Variants in CCDC175 observed in about 807,000 individuals in gnomAD.
The protein encoded by CCDC175 is coiled-coil domain containing 175.
Under a neutral mutation model 114.6 loss-of-function variants are expected in CCDC175, and 100 were observed. The observed-to-expected ratio is 0.87, with a 90% CI of 0.74 to 1.03. CCDC175 has a LOEUF of 1.03. Ranked by LOEUF, CCDC175 falls within the 50% of genes least tolerant of loss-of-function variation. CCDC175 has a pLI of 0.00. For missense variants in CCDC175, 880 were observed against 917.8 expected (o/e 0.96, Z 0.53); for synonymous variants, 306 against 308.7 (o/e 0.99, Z 0.09).
chr14:59,529,436 C>T (rs1880603863), intron 14 of CCDC175, among the ~76,000 whole-genome samples: 1 of 152,184 alleles, frequency 6.6e-6, no homozygotes, highest in African/African-American at 2.4e-5. Flanking sequence ...GCTCTAATTG[C>T]TCTTTATAAA....
At chr14:59,513,553 G>A (rs975736605) in intron 17 of CCDC175, among the ~76,000 whole-genome samples, 32 of 152,162 alleles carry the variant, frequency 2.1e-4, no homozygotes, top group African/African-American at 7.7e-4. Context: ...CTATGCCCAC[G>A]GAGCCTCACT....
chr14:59,523,442 T>G (rs1893539089), intron 16 of CCDC175, among the ~76,000 whole-genome samples: 1 of 152,192 alleles, frequency 6.6e-6, no homozygotes, highest in East Asian at 1.9e-4. Flanking sequence ...GTCACTGATT[T>G]TTTTCTAGCT....
chr14:59,507,251 G>A (rs1892482459), intron 19 of CCDC175, among the ~76,000 whole-genome samples: 8 of 152,158 alleles, frequency 5.3e-5, no homozygotes. Flanking sequence ...CTTCTCCTTT[G>A]GGAAGATATC....
chr14:59,528,021 A>C (rs1219165475), intron 14 of CCDC175, among the ~76,000 whole-genome samples: 1 of 152,060 alleles, frequency 6.6e-6, no homozygotes, highest in East Asian at 1.9e-4. Context: ...TATTTGTTGA[A>C]GCAAATTCTA....
chr14:59,515,382 A>C (rs1454515576), intron 17 of CCDC175, among the ~76,000 whole-genome samples: 1 of 150,018 alleles, frequency 6.7e-6, no homozygotes, highest in Non-Finnish European at 1.5e-5. Context: ...AAATTGGATA[A>C]AGAGTTAAGA....
chr14:59,544,002 C>A (rs1219808211), intron 9 of CCDC175, among the ~76,000 whole-genome samples: 1 of 152,150 alleles, frequency 6.6e-6, no homozygotes, highest in African/African-American at 2.4e-5. Flanking sequence ...ATTGGCTCTA[C>A]CTTTTAATAA....
chr14:59,553,892 A>T (rs1895696022), intron 7 of CCDC175, among the ~76,000 whole-genome samples: 1 of 152,250 alleles, frequency 6.6e-6, no homozygotes, highest in Non-Finnish European at 1.5e-5. Flanking sequence ...TGGTAAAGGG[A>T]TCAATTCAAC....
At chr14:59,551,321 T>C in intron 8 of CCDC175, 34 bp downstream of exon 8, 1 of 946,804 alleles carries the variant, frequency 1.1e-6, no homozygotes. Flanking sequence ...GAAATGTAAT[T>C]ATAATGTAAA....
chr14:59,511,803 G>A lies in CCDC175; in HGVS notation c.2099C>T (p.Ala700Val). Residue 700 changes from alanine to valine, a missense_variant and splice_region_variant, in exon 18 of 20, where the codon GCA becomes GTA. Transcript: ENST00000537690. ...TTCAGCCCACAAATCCTTATATTGT[G>A]CTAAAATAAAGATTTAAAAAATACA... ...DLSRQLIAQE[A>V]QYKDLWAEFQ... 6.5e-7 allele frequency: 1 copy of A among 1,531,392 alleles called. No homozygotes were observed. Among genetic ancestry groups the A allele is most frequent in the Non-Finnish European group, 8.8e-7 (1 of 1,141,926 alleles). The allele number at this position is 1,531,392 out of a possible 1,614,324, so 94.9% of individuals were successfully genotyped here. A position where few individuals can be genotyped will look rare whatever the true frequency, so the allele number is the denominator to read the frequency against.
chr14:59,576,581 G>A, intron 1 of CCDC175, 38 bp downstream of exon 1: 1 of 1,391,940 alleles, frequency 7.2e-7, no homozygotes, highest in Non-Finnish European at 9.2e-7. Context: ...CGCCACCTCT[G>A]AGGAGACGTC....
chr14:59,573,878 G>C (rs1277669002), intron 2 of CCDC175, among the ~76,000 whole-genome samples: 1 of 152,102 alleles, frequency 6.6e-6, no homozygotes, highest in East Asian at 1.9e-4. Context: ...GCCTCCCGGA[G>C]TGCTGGGATT....
intron 17 of CCDC175, among the ~76,000 whole-genome samples, chr14:59,513,259 T>C (rs916025309): frequency 1.3e-5 from 2 of 152,084 alleles, no homozygotes; most frequent in Admixed American, 6.5e-5. Flanking sequence ...AGACGGGTGA[T>C]TTCTGCATTT....
chr14:59,537,118 TC>T (rs1276169477), intron 13 of CCDC175, among the ~76,000 whole-genome samples: 3 of 152,190 alleles, frequency 2.0e-5, no homozygotes, highest in African/African-American at 7.2e-5. Flanking sequence ...CACCATTTTT[TC>T]TGAGTGTTCT....
chr14:59,530,646 A>T (rs1894015447), intron 14 of CCDC175, among the ~76,000 whole-genome samples: 1 of 152,172 alleles, frequency 6.6e-6, no homozygotes, highest in Non-Finnish European at 1.5e-5. Context: ...ATGTATTATT[A>T]TTATAACATT....
At chr14:59,530,358 C>T (rs1893994226) in intron 14 of CCDC175, among the ~76,000 whole-genome samples, 2 of 148,506 alleles carry the variant, frequency 1.3e-5, no homozygotes, top group African/African-American at 5.0e-5. Context: ...CAGAGTGAGA[C>T]TCCATCTCAA....
intron 13 of CCDC175, among the ~76,000 whole-genome samples, chr14:59,535,815 C>T (rs1365151047): frequency 6.6e-6 from 1 of 152,204 alleles, no homozygotes; most frequent in Non-Finnish European, 1.5e-5. Context: ...AAGGCGGACT[C>T]GCCACACCAT....
Position 59,538,136 on chromosome 14 carries a change from C to T in CCDC175, c.1510G>A (p.Glu504Lys). The T allele has an allele frequency of 6.5e-7, 1 of 1,534,842 alleles. No individual in the cohort carries two copies. Among genetic ancestry groups the T allele is most frequent in the Admixed American group, 2.0e-5 (1 of 50,924 alleles). ...LLNETSFRQQ[E>K]ISGFVAQIEK... The stretch of plus-strand genomic sequence containing the variant: ...ATCTGTGCCACAAATCCACTGATCT[C>T]CTGTTGTCTGAAACTGGTCTAATTA... Residue 504 changes from glutamate to lysine, a missense_variant, in exon 13 of 20, where the codon GAG (glutamate) becomes AAG (lysine). By Grantham distance (56) the Glu-to-Lys change is moderately conservative. Transcript: ENST00000537690.
At chr14:59,556,225 A>G (rs973044619) in intron 7 of CCDC175, among the ~76,000 whole-genome samples, 34 of 152,376 alleles carry the variant, frequency 2.2e-4, no homozygotes, top group African/African-American at 8.2e-4. Context: ...ACAAGGCTAC[A>G]GTAACCAAAA....
intron 8 of CCDC175, 67 bp downstream of exon 8, chr14:59,551,288 T>C: frequency 1.4e-6 from 1 of 728,670 alleles, no homozygotes; most frequent in South Asian, 2.5e-5. Context: ...ATTTCTCACA[T>C]ATTTTAAACA....
Sources: allele counts gnomAD v4.1 joint callset (sites outside exome capture counted in the v4.1 genomes callset), GRCh38; gene constraint gnomAD v4.1.1; transcripts MANE v1.5; gene names NCBI Gene and HGNC (gene_info 2026-07-23, HGNC 2026-07-21).